PPARGC1A: variants seen among roughly 807,000 people sequenced by gnomAD.
The protein encoded by PPARGC1A is peroxisome proliferator-activated receptor gamma coactivator 1-alpha.
PPARGC1A carries 25 observed loss-of-function variants against 88.7 expected under a neutral mutation model. That is an observed-to-expected ratio of 0.28 (90% confidence interval 0.21 to 0.39). PPARGC1A has a LOEUF of 0.39. Among genes scored for constraint, PPARGC1A ranks in the 10% least tolerant of loss-of-function variants. PPARGC1A has a pLI of 1.00. For synonymous variants in PPARGC1A, 363 were observed against 355.6 expected (o/e 1.02, Z -0.24); for missense variants, 880 against 968.7 (o/e 0.91, Z 1.22).
At chr4:23,944,978 T>C in the PPARGC1A span, among the ~76,000 whole-genome samples, 2 of 152,200 alleles carry the variant, frequency 1.3e-5, no homozygotes, top group Non-Finnish European at 2.9e-5. Context: ...ATTAGCTATA[T>C]GACCTTGGGC....
At chr4:24,297,571 T>C in the PPARGC1A span, among the ~76,000 whole-genome samples, 2 of 152,174 alleles carry the variant, frequency 1.3e-5, no homozygotes, top group South Asian at 4.1e-4. Flanking sequence ...AATGCAAAAA[T>C]GATTCATTAC....
the PPARGC1A span, among the ~76,000 whole-genome samples, chr4:23,993,601 C>T: frequency 0.14 from 20,595 of 152,120 alleles, 1,575 homozygotes; most frequent in South Asian, 0.19. Context: ...CCCCATTTTG[C>T]AGATGTTGAA....
the PPARGC1A span, among the ~76,000 whole-genome samples, chr4:24,374,125 A>G: frequency 6.6e-6 from 1 of 152,208 alleles, no homozygotes; most frequent in Non-Finnish European, 1.5e-5. Flanking sequence ...ACAACATTCA[A>G]ACTGCTTCCT....
At chr4:24,088,277 C>G in the PPARGC1A span, among the ~76,000 whole-genome samples, 3 of 151,930 alleles carry the variant, frequency 2.0e-5, no homozygotes, top group African/African-American at 4.8e-5. Flanking sequence ...ATCACTTGAG[C>G]CCAGGAGGTA....
chr4:24,336,157 C>A, the PPARGC1A span, among the ~76,000 whole-genome samples: 10 of 152,160 alleles, frequency 6.6e-5, no homozygotes, highest in African/African-American at 2.4e-4. Flanking sequence ...CTCCTGAGCA[C>A]CTCCTCTCTA....
the PPARGC1A span, among the ~76,000 whole-genome samples, chr4:24,381,322 G>C: frequency 6.6e-6 from 1 of 152,176 alleles, no homozygotes; most frequent in African/African-American, 2.4e-5. Flanking sequence ...TTTAAGGAGA[G>C]TGTGGCAACT....
At chr4:24,380,558 C>T in the PPARGC1A span, among the ~76,000 whole-genome samples, 2 of 152,008 alleles carry the variant, frequency 1.3e-5, no homozygotes, top group African/African-American at 4.8e-5. Flanking sequence ...GTAAAATTAG[C>T]GGAGTCATTT....
intron 10 of PPARGC1A, among the ~76,000 whole-genome samples, chr4:23,806,246 A>G (rs985189758): frequency 3.9e-5 from 6 of 152,228 alleles, no homozygotes; most frequent in Admixed American, 2.0e-4. Context: ...TCCTACTGCT[A>G]AAAATGAAAA....
the PPARGC1A span, among the ~76,000 whole-genome samples, chr4:24,470,277 GAC>G: frequency 0.077 from 8,480 of 110,592 alleles, 319 homozygotes; most frequent in East Asian, 0.097. This position sits in a 1 kb window ranked among gnomAD's most constrained non-coding sequence, Gnocchi z 5.8. Flanking sequence ...GACAGACACA[GAC>G]ACACACACAC....
the PPARGC1A span, among the ~76,000 whole-genome samples, chr4:24,052,964 T>C: frequency 1.1e-3 from 152 of 144,490 alleles, 1 homozygote; most frequent in African/African-American, 3.3e-3. Flanking sequence ...CCCGGGTTCA[T>C]GCCATTCTCC....
chr4:23,862,983 C>T (rs557881687), intron 2 of PPARGC1A, among the ~76,000 whole-genome samples: 10 of 152,258 alleles, frequency 6.6e-5, no homozygotes, highest in South Asian at 2.1e-4. Context: ...TTCCTCTCTG[C>T]GCCTTCCCTG....
chr4:24,441,120 T>C, the PPARGC1A span, among the ~76,000 whole-genome samples: 1 of 152,074 alleles, frequency 6.6e-6, no homozygotes, highest in East Asian at 1.9e-4. Context: ...AGTTCATCAG[T>C]TGTTTGTTAG....
At chr4:24,286,435 A>G in the PPARGC1A span, among the ~76,000 whole-genome samples, 4 of 152,180 alleles carry the variant, frequency 2.6e-5, no homozygotes, top group Non-Finnish European at 5.9e-5. Context: ...CATGACCACA[A>G]AGATCTGAGG....
the PPARGC1A span, among the ~76,000 whole-genome samples, chr4:24,131,680 A>C: frequency 6.6e-6 from 1 of 152,238 alleles, no homozygotes; most frequent in East Asian, 1.9e-4. Context: ...ATTATCTAAA[A>C]CATGACAGTT....
At chr4:24,280,801 G>A in the PPARGC1A span, among the ~76,000 whole-genome samples, 1 of 152,176 alleles carries the variant, frequency 6.6e-6, no homozygotes, top group Admixed American at 6.5e-5. Context: ...CATATGTGAA[G>A]ACACTTTTGT....
At chr4:24,470,277 G>GACACACACACAGACAC in the PPARGC1A span, among the ~76,000 whole-genome samples, 1 of 110,676 alleles carries the variant, frequency 9.0e-6, no homozygotes, top group Non-Finnish European at 1.9e-5. This position sits in a 1 kb window ranked among gnomAD's most constrained non-coding sequence, Gnocchi z 5.8. Flanking sequence ...GACAGACACA[G>GACACACACACAGACAC]ACACACACAC....
the PPARGC1A span, among the ~76,000 whole-genome samples, chr4:24,469,466 C>G: frequency 6.6e-6 from 1 of 152,330 alleles, no homozygotes; most frequent in African/African-American, 2.4e-5. Flanking sequence ...CGCACCTTCC[C>G]CTAATGATGT....
the PPARGC1A span, among the ~76,000 whole-genome samples, chr4:24,353,143 C>A: frequency 1.3e-5 from 2 of 151,688 alleles, no homozygotes; most frequent in Non-Finnish European, 1.5e-5. Context: ...TGGCTTAATG[C>A]AGTAGAATCT....
At chr4:23,833,311 A>T (rs1267433278) in intron 2 of PPARGC1A, among the ~76,000 whole-genome samples, 1 of 152,232 alleles carries the variant, frequency 6.6e-6, no homozygotes, top group African/African-American at 2.4e-5. Context: ...TAAATAATTC[A>T]TTGATCTGCA....
Sources: gnomAD v4.1 joint callset for allele counts (sites outside exome capture counted in the v4.1 genomes callset) on GRCh38, gnomAD v4.1.1 for gene constraint, Gnocchi (gnomAD v3.1) non-coding constraint, MANE v1.5 for transcripts, NCBI Gene and HGNC (gene_info 2026-07-23, HGNC 2026-07-21) for gene names.